CAPN8: variants seen among roughly 807,000 people sequenced by gnomAD.
CAPN8 encodes calpain 8.
Under a neutral mutation model 80.9 loss-of-function variants are expected in CAPN8, and 87 were observed. The observed-to-expected ratio is 1.07, with a 90% CI of 0.90 to 1.28. CAPN8 has a LOEUF of 1.28. CAPN8 is among the 50% of genes most tolerant of loss of function. CAPN8 has a pLI of 0.00. For missense variants in CAPN8, 757 were observed against 702.0 expected, an observed-to-expected ratio of 1.08 and a Z score of -0.89; for synonymous variants, 299 against 273.8, an observed-to-expected ratio of 1.09 and a Z score of -0.91.
chr1:223,652,892 A>G (rs963155359), intron 2 of CAPN8, among the ~76,000 whole-genome samples: 18 of 152,084 alleles, frequency 1.2e-4, no homozygotes, highest in Admixed American at 1.1e-3. Flanking sequence ...CTCCATTGGC[A>G]GCACGCACTC....
At chr1:223,632,471 CA>C (rs1657800971) in intron 2 of CAPN8, among the ~76,000 whole-genome samples, 1 of 152,136 alleles carries the variant, frequency 6.6e-6, no homozygotes, top group South Asian at 2.1e-4. Flanking sequence ...CTCCTGGGCT[CA>C]AGCAGTCCTC....
chr1:223,625,813 C>T lies in CAPN8; in HGVS notation c.805G>A (p.Val269Ile). ...CTTCCACACAATTTTACCTCTTCGA[C>T]TCCAGTGACAGAGTACGCATGACTC... The part of the protein sequence containing the change: ...VKSHAYSVTG[V>I]EEVNFQGHPE... The change falls in exon 6 of 21, where the codon GTC (valine) becomes ATC (isoleucine). Residue 269 changes from valine to isoleucine, a missense_variant. By Grantham distance (29) the Val-to-Ile change is conservative. Transcript: ENST00000366872. The T allele has an allele frequency of 1.9e-6, 3 of 1,550,254 alleles. No homozygotes were observed. The highest frequency in any genetic ancestry group is 1.2e-5 in the South Asian group (1 of 84,006).
chr1:223,655,182 C>T (rs1216236356), intron 1 of CAPN8, among the ~76,000 whole-genome samples: 1 of 152,174 alleles, frequency 6.6e-6, no homozygotes, highest in African/African-American at 2.4e-5. Flanking sequence ...ATGCTGTGCA[C>T]CCTGTGGGCA....
At chr1:223,650,299 C>A (rs1167125363) in intron 2 of CAPN8, among the ~76,000 whole-genome samples, 1 of 152,122 alleles carries the variant, frequency 6.6e-6, no homozygotes, top group African/African-American at 2.4e-5. Context: ...CTGCCCAGAG[C>A]CATGGCCATG....
chr1:223,653,693 A>T (rs1445514888), intron 2 of CAPN8, among the ~76,000 whole-genome samples: 1 of 152,180 alleles, frequency 6.6e-6, no homozygotes, highest in African/African-American at 2.4e-5. Context: ...AAGCCTTGGT[A>T]TCGGGAGGGC....
At chr1:223,665,033 C>T (rs1314543199) in intron 1 of CAPN8, among the ~76,000 whole-genome samples, 1 of 152,150 alleles carries the variant, frequency 6.6e-6, no homozygotes, top group Non-Finnish European at 1.5e-5. Flanking sequence ...GCAGATGGAT[C>T]ACCTGAGGTT....
chr1:223,619,367 T>C lies in CAPN8; in HGVS notation c.1061A>G (p.His354Arg). The change falls in exon 9 of 21, where the codon CAC becomes CGC. Residue 354 changes from histidine to arginine, a missense_variant. His to Arg is a conservative substitution (Grantham distance 29). Transcript: ENST00000366872. Reference sequence around the variant, plus strand: ...GTTGAACAGGACCAGGTTCCATTTGTGCACCTCCTCGCTACTCAGAGAGTC... The same window carrying C: ...GTTGAACAGGACCAGGTTCCATTTGCGCACCTCCTCGCTACTCAGAGAGTC... ...SPDSLSSEEV[H>R]KWNLVLFNGH... 3 of 1,551,696 alleles carry C rather than the reference T, an allele frequency of 1.9e-6. No individual in the cohort carries two copies. The highest frequency in any genetic ancestry group is 2.6e-6 in the Non-Finnish European group (3 of 1,147,006).
intron 14 of CAPN8, among the ~76,000 whole-genome samples, chr1:223,552,559 CAAAAAAA>C (rs1167143421): frequency 1.5e-5 from 1 of 65,676 alleles, no homozygotes; most frequent in South Asian, 6.6e-4. Flanking sequence ...CAGTCCATCT[CAAAAAAA>C]AAAAAAAAAA....
At chr1:223,614,083 A>AT (rs1159831851) in intron 10 of CAPN8, among the ~76,000 whole-genome samples, 12 of 152,336 alleles carry the variant, frequency 7.9e-5, no homozygotes, top group African/African-American at 2.9e-4. Context: ...CTTTGAAAGA[A>AT]TGCTTTGCTG....
chr1:223,622,541 C>CA (rs1377068988), intron 7 of CAPN8: 1 of 499,256 alleles, frequency 2.0e-6, no homozygotes, highest in African/African-American at 1.9e-5. Context: ...GTAAAAAACA[C>CA]AAAAACCTTT....
chr1:223,654,844 T>A (rs1658438318), intron 1 of CAPN8, among the ~76,000 whole-genome samples: 1 of 83,362 alleles, frequency 1.2e-5, no homozygotes, highest in Admixed American at 1.1e-4. Flanking sequence ...CCCGGCTAAT[T>A]TTTTTTTTTT....
chr1:223,656,130 G>A (rs1401664815), intron 1 of CAPN8, among the ~76,000 whole-genome samples: 1 of 151,818 alleles, frequency 6.6e-6, no homozygotes, highest in Non-Finnish European at 1.5e-5. Context: ...TGCTGAAATG[G>A]CAGAAACAGC....
In CAPN8 at chr1:223,620,276, A is replaced by G. The variant is rs960507852; in HGVS notation, c.900-10T>C. 3 of 1,551,206 alleles carry G rather than the reference A, an allele frequency of 1.9e-6. No individual in the cohort carries two copies. On this transcript the variant is annotated splice_polypyrimidine_tract_variant and intron_variant, in intron 7 of 20. Transcript: ENST00000366872. ...ATTCCACTCTGGTGCACTGAGGGGA[A>G]AACAAGCAGAGATGCTCGCTCCTGA... is the stretch of plus-strand genomic sequence containing the variant.
intron 7 of CAPN8, among the ~76,000 whole-genome samples, chr1:223,622,136 A>G (rs1298602225): frequency 1.3e-5 from 2 of 151,992 alleles, no homozygotes; most frequent in Non-Finnish European, 2.9e-5. Context: ...CCTCCCCCAC[A>G]CTAACCTGCC....
chr1:223,628,436 A>G (rs1014837862), intron 3 of CAPN8, among the ~76,000 whole-genome samples: 1 of 152,228 alleles, frequency 6.6e-6, no homozygotes, highest in African/African-American at 2.4e-5. Flanking sequence ...GCTTTCCTGA[A>G]GGCCACGTGG....
intron 16 of CAPN8, among the ~76,000 whole-genome samples, chr1:223,547,304 CT>C (rs1656650356): frequency 6.6e-6 from 1 of 152,110 alleles, no homozygotes; most frequent in Admixed American, 6.5e-5. Flanking sequence ...TGATAAAGTA[CT>C]GATACATGCT....
Position 223,633,824 on chromosome 1 carries a change from C to T in CAPN8, c.308-5044G>A, listed in dbSNP as rs77172987. 0.011 allele frequency among the ~76,000 whole-genome samples: 1,680 copies of T among 152,152 alleles called. 134 individuals are homozygous for T. In the East Asian group the frequency reaches 0.19, roughly 17 times the overall value. ...TTATAAACTGTAGGTAGCAAGAACT[C>T]GAGCTATAGCTTAATGGAATTTCTC... On this transcript the variant is annotated intron_variant, in intron 2 of 20. Coordinates refer to ENST00000366872, the MANE Select transcript of CAPN8 (RefSeq NM_001143962.2).
intron 9 of CAPN8, among the ~76,000 whole-genome samples, chr1:223,616,599 C>G (rs1286665137): frequency 6.6e-6 from 1 of 152,176 alleles, no homozygotes; most frequent in Non-Finnish European, 1.5e-5. Flanking sequence ...AGGAGAAAGT[C>G]CCTGAAGAGA....
Position 223,543,149 on chromosome 1 carries a change from C to A in CAPN8, c.2047G>T (p.Asp683Tyr). ...ETLFKLFSLL[D>Y]EDKDGMVQLS... ...TGAACCATGCCATCCTTGTCTTCGT[C>A]CAGAAGGCTGAATAGTTCTAAAACA... The change falls in exon 20 of 21, where the codon GAC becomes TAC. Residue 683 changes from aspartate to tyrosine, a missense_variant. Physicochemically the swap from Asp to Tyr is radical, Grantham distance 160. Coordinates refer to ENST00000366872, the MANE Select transcript of CAPN8 (RefSeq NM_001143962.2). The A allele has an allele frequency of 6.4e-7, 1 of 1,551,632 alleles. No individual in the cohort carries two copies. The highest frequency in any genetic ancestry group is 1.2e-5 in the South Asian group (1 of 84,048).
Sources: gnomAD v4.1 joint callset for allele counts (sites outside exome capture counted in the v4.1 genomes callset) on GRCh38, gnomAD v4.1.1 for gene constraint, MANE v1.5 for transcripts, NCBI Gene and HGNC (gene_info 2026-07-23, HGNC 2026-07-21) for gene names.